The following GPSM2 variants were observed in gnomAD, a reference collection of about 807,000 sequenced individuals.
GPSM2 encodes the protein G protein-signaling modulator 2.
In GPSM2, 58 loss-of-function variants were observed where a neutral mutation model predicts 78.4. That is an observed-to-expected ratio of 0.74 (90% CI 0.60 to 0.92). The LOEUF (loss-of-function observed/expected upper bound fraction) is 0.92. GPSM2 is among the 40% of genes least tolerant of loss of function. The pLI is 0.00. For synonymous variants in GPSM2, 224 were observed against 280.2 expected (o/e 0.80, Z 2.00); for missense variants, 700 against 815.5 (o/e 0.86, Z 1.73).
At chr1:108,929,614 G>A (rs1037062017) in intron 14 of GPSM2, 87 bp from the exon 15 acceptor site, 55 of 1,246,012 alleles carry the variant, frequency 4.4e-5, no homozygotes, top group Middle Eastern at 2.1e-4. Flanking sequence ...TTACAACTGC[G>A]TTTTCTTGTT....
chr1:108,881,542 T>A (rs1315509572), intron 1 of GPSM2, among the ~76,000 whole-genome samples: 1 of 152,236 alleles, frequency 6.6e-6, no homozygotes, highest in Non-Finnish European at 1.5e-5. Context: ...ATTGCTAAAT[T>A]GGCTAGAGAG....
intron 2 of GPSM2, among the ~76,000 whole-genome samples, chr1:108,891,634 A>G (rs1156365068): frequency 6.7e-6 from 1 of 148,880 alleles, no homozygotes; most frequent in Admixed American, 6.7e-5. Flanking sequence ...AGCTGGGACT[A>G]CTACAGGTGC....
chr1:108,920,994 G>T (rs12405026), intron 12 of GPSM2, among the ~76,000 whole-genome samples: 1 of 152,024 alleles, frequency 6.6e-6, no homozygotes, highest in African/African-American at 2.4e-5. Flanking sequence ...CGTTAAAAAC[G>T]TCTCTCAGTC....
rs1041035256 is a variant in GPSM2 at position 108,913,845 on chromosome 1, T to C, written c.1193-493T>C. On this transcript the variant is annotated intron_variant, in intron 10 of 14. Coordinates refer to ENST00000264126, the MANE Select transcript of GPSM2 (RefSeq NM_013296.5). ...AAAAGTTTAAGGACTCGTTTACTTGTTTTCTGACTGGCAGTAAGTCTGTCA... is the reference window on the plus strand; with the variant it reads ...AAAAGTTTAAGGACTCGTTTACTTGCTTTCTGACTGGCAGTAAGTCTGTCA... Among the ~76,000 whole-genome samples the C allele has an allele frequency of 2.2e-4, 33 of 152,330 alleles. No homozygotes were observed. In the South Asian group the frequency reaches 5.6e-3, roughly 26 times the overall value.
In GPSM2 at chr1:108,918,106, T is replaced by C. The variant is rs557272746; in HGVS notation, c.1264-507T>C. 7.9e-5 allele frequency among the ~76,000 whole-genome samples: 12 copies of C among 152,304 alleles called. No homozygotes were observed. The South Asian group carries it at 2.1e-3, about 26-fold the overall frequency. ...TTATTTTGTTATTTGTAGGCTGTCA[T>C]GTATTTAAACCAGATCTAGACCTTT... is the stretch of plus-strand genomic sequence containing the variant. On this transcript the variant is annotated intron_variant, in intron 11 of 14. Coordinates refer to ENST00000264126, the MANE Select transcript of GPSM2 (RefSeq NM_013296.5).
rs1290361428 is a variant in GPSM2 at position 108,898,913 on chromosome 1, C to T, written c.716C>T (p.Ala239Val). The change falls in exon 7 of 15, where the codon GCA (alanine) becomes GTA (valine). Residue 239 changes from alanine to valine, a missense_variant. By Grantham distance (64) the Ala-to-Val change is moderately conservative. Transcript: ENST00000264126. ...LLIAKEFGDK[A>V]AERRAYSNLG... is the part of the protein sequence containing the mutation. The stretch of plus-strand genomic sequence containing the variant: ...ATTGCAAAAGAATTTGGAGATAAAG[C>T]AGCTGAAAGAAGAGCATATAGCAAC... The T allele has an allele frequency of 1.2e-6, 2 of 1,612,722 alleles. No individual in the cohort carries two copies. The highest frequency in any genetic ancestry group is 2.7e-5 in the African/African-American group (2 of 74,902).
Position 108,897,954 on chromosome 1 carries a change from T to C in GPSM2, c.415-5T>C, listed in dbSNP as rs1400470737. The stretch of plus-strand genomic sequence containing the variant: ...AATGTAAACTTTGCTGATGTCTTCA[T>C]TTAGGTGGGAGAAGCAAGAGCACTT... On this transcript the variant is annotated splice_region_variant and splice_polypyrimidine_tract_variant and intron_variant, in intron 4 of 14. Transcript: ENST00000264126. 6.2e-7 allele frequency: 1 copy of C among 1,613,514 alleles called. No homozygotes were observed. The highest frequency in any genetic ancestry group is 1.7e-5 in the Admixed American group (1 of 60,022).
At chr1:108,906,666 T>A (rs1286117833) in intron 10 of GPSM2, among the ~76,000 whole-genome samples, 2 of 150,486 alleles carry the variant, frequency 1.3e-5, no homozygotes, top group East Asian at 3.9e-4. Flanking sequence ...TCACCTGAGG[T>A]CAGGAGTTCG....
At chr1:108,911,734 G>A (rs12033197) in intron 10 of GPSM2, among the ~76,000 whole-genome samples, 22,943 of 150,730 alleles carry the variant, frequency 0.15, 1,893 homozygotes, top group African/African-American at 0.21. Context: ...CAATCATAAC[G>A]GGAAATTTTA....
intron 1 of GPSM2, among the ~76,000 whole-genome samples, chr1:108,882,022 G>A (rs906722966): frequency 2.0e-5 from 3 of 152,068 alleles, no homozygotes; most frequent in African/African-American, 4.8e-5. Context: ...TGCAATCATC[G>A]ATTACTATAA....
chr1:108,896,280 T>G (rs748006535), intron 2 of GPSM2, among the ~76,000 whole-genome samples: 4 of 152,184 alleles, frequency 2.6e-5, no homozygotes, highest in Non-Finnish European at 4.4e-5. Context: ...AAATGTGTCT[T>G]ACAGATCAAG....
chr1:108,929,184 A>C (rs1651452568), intron 14 of GPSM2, among the ~76,000 whole-genome samples: 1 of 152,066 alleles, frequency 6.6e-6, no homozygotes, highest in Non-Finnish European at 1.5e-5. Flanking sequence ...ATATAAACAT[A>C]TGTATTGATG....
intron 10 of GPSM2, chr1:108,910,069 C>T (rs1286834927): frequency 6.6e-6 from 1 of 151,240 alleles, no homozygotes; most frequent in Admixed American, 6.6e-5. Flanking sequence ...AATTTGGTTC[C>T]AAATTGTTTA....
At chr1:108,917,040 T>G (rs549562146) in intron 11 of GPSM2, among the ~76,000 whole-genome samples, 1 of 152,356 alleles carries the variant, frequency 6.6e-6, no homozygotes, top group Non-Finnish European at 1.5e-5. Flanking sequence ...AGACATTGCT[T>G]CGCCCTGTAT....
chr1:108,931,657 AC>A lies in GPSM2; in HGVS notation c.*1719del. 1.1e-6 allele frequency: 1 copy of A among 906,044 alleles called. No individual in the cohort carries two copies. The highest frequency in any genetic ancestry group is 1.6e-6 in the Non-Finnish European group (1 of 638,014). The allele number at this position is 906,044 out of a possible 1,614,324, so 56.1% of individuals were successfully genotyped here. ...AAAAAAAAAAAAGTTCTAAATTACA[AC>A]CTGGATTACATTATGTTTCATGTAT... On this transcript the variant is annotated 3_prime_UTR_variant, in exon 15 of 15. Coordinates refer to ENST00000264126, the MANE Select transcript of GPSM2 (RefSeq NM_013296.5).
intron 2 of GPSM2, among the ~76,000 whole-genome samples, chr1:108,895,888 A>G (rs542402004): frequency 6.6e-6 from 1 of 152,360 alleles, no homozygotes; most frequent in East Asian, 1.9e-4. Context: ...TAGAATATAC[A>G]TATAAGTATC....
At chr1:108,912,082 A>G (rs908422836) in intron 10 of GPSM2, among the ~76,000 whole-genome samples, 1 of 152,276 alleles carries the variant, frequency 6.6e-6, no homozygotes, top group Admixed American at 6.5e-5. Flanking sequence ...TGCTGGGATT[A>G]CAGGCATGCA....
chr1:108,908,136 C>T (rs1649392020), intron 10 of GPSM2, among the ~76,000 whole-genome samples: 1 of 152,294 alleles, frequency 6.6e-6, no homozygotes, highest in Non-Finnish European at 1.5e-5. Context: ...CTTTGGGAGG[C>T]CAAGGCGAGC....
At chr1:108,885,664 G>A in intron 2 of GPSM2, 86 bp downstream of exon 2, 27 of 833,460 alleles carry the variant, frequency 3.2e-5, no homozygotes, top group East Asian at 2.2e-4. Context: ...AGTTTCAGTT[G>A]AAAATACTCA....
Sources: allele counts gnomAD v4.1 joint callset (sites outside exome capture counted in the v4.1 genomes callset), GRCh38; gene constraint gnomAD v4.1.1; transcripts MANE v1.5; gene names NCBI Gene and HGNC (gene_info 2026-07-23, HGNC 2026-07-21).